Variants in TMEM117 observed in about 807,000 individuals in gnomAD.
TMEM117 encodes transmembrane protein 117.
A neutral mutation model predicts 52.4 loss-of-function variants in TMEM117; 27 were observed. The observed-to-expected ratio is 0.51, with a 90% CI of 0.38 to 0.71. TMEM117 has a LOEUF of 0.71. Ranked by LOEUF, TMEM117 falls within the 30% of genes least tolerant of loss-of-function variation. The probability of loss-of-function intolerance (pLI) is 0.00; values close to 1 mark genes in which losing one functional copy is unlikely to be tolerated. For missense variants in TMEM117, 556 were observed against 630.5 expected (o/e 0.88, Z 1.26); for synonymous variants, 215 against 206.3 (o/e 1.04, Z -0.36).
intron 5 of TMEM117, among the ~76,000 whole-genome samples, chr12:44,218,977 T>C (rs1949754977): frequency 1.3e-5 from 2 of 152,214 alleles, no homozygotes; most frequent in Non-Finnish European, 2.9e-5. Flanking sequence ...CTGCACTGTA[T>C]GGCGACAGTT....
At chr12:44,097,374 C>G (rs373151678) in intron 3 of TMEM117, among the ~76,000 whole-genome samples, 1 of 151,662 alleles carries the variant, frequency 6.6e-6, no homozygotes, top group Non-Finnish European at 1.5e-5. Flanking sequence ...GGTATATACC[C>G]AAAGGACTAT....
Position 44,171,075 on chromosome 12 carries a change from GC to G in TMEM117, c.510+27452del, listed in dbSNP as rs548868627. 2.8e-3 allele frequency among the ~76,000 whole-genome samples: 427 copies of G among 149,950 alleles called. 3 individuals are homozygous for G. The highest frequency in any genetic ancestry group is 7.9e-3 in the South Asian group (37 of 4,704). ...CTGTCGCCCAGGCTGGAGTGCAGTG[GC>G]GGGATCTCAGCTCACTGCAAGCTCC... is the stretch of plus-strand genomic sequence containing the variant. On this transcript the variant is annotated intron_variant, in intron 4 of 7. Coordinates refer to ENST00000266534, the MANE Select transcript of TMEM117 (RefSeq NM_032256.3).
intron 3 of TMEM117, among the ~76,000 whole-genome samples, chr12:43,986,263 GA>G (rs1057156976): frequency 3.3e-5 from 5 of 152,032 alleles, no homozygotes; most frequent in African/African-American, 1.2e-4. Context: ...TGAAAATACA[GA>G]AAAATATAAA....
intron 2 of TMEM117, among the ~76,000 whole-genome samples, chr12:43,884,189 G>A (rs1486614368): frequency 1.3e-5 from 2 of 151,524 alleles, no homozygotes; most frequent in African/African-American, 4.8e-5. Flanking sequence ...AGTGAAAGGA[G>A]CCAAAATTTA....
At chr12:44,385,669 A>G (rs1284161329) in intron 7 of TMEM117, among the ~76,000 whole-genome samples, 1 of 152,148 alleles carries the variant, frequency 6.6e-6, no homozygotes, top group African/African-American at 2.4e-5. Context: ...TTCCCCCACC[A>G]TCTGGTCTGG....
At chr12:44,145,742 C>A (rs976231195) in intron 4 of TMEM117, among the ~76,000 whole-genome samples, 21 of 152,138 alleles carry the variant, frequency 1.4e-4, no homozygotes, top group African/African-American at 4.8e-4. Context: ...TTATTTCAAT[C>A]GCCAATGATG....
chr12:43,963,345 T>G (rs921166269), intron 3 of TMEM117, among the ~76,000 whole-genome samples: 25 of 152,158 alleles, frequency 1.6e-4, no homozygotes, highest in Non-Finnish European at 2.9e-4. Flanking sequence ...GTATCCAAAA[T>G]AAATCACTGA....
At chr12:43,990,611 A>G (rs1406884512) in intron 3 of TMEM117, among the ~76,000 whole-genome samples, 1 of 152,166 alleles carries the variant, frequency 6.6e-6, no homozygotes, top group Non-Finnish European at 1.5e-5. Flanking sequence ...CTTTAACATT[A>G]ATTAGGATTT....
chr12:44,325,582 G>A (rs1030454692), intron 6 of TMEM117, among the ~76,000 whole-genome samples: 2 of 151,072 alleles, frequency 1.3e-5, no homozygotes, highest in Non-Finnish European at 1.5e-5. Flanking sequence ...TTTATCTTAG[G>A]ATGGTTAATA....
the TMEM117 span, chr12:43,795,824 T>C: frequency 4.0e-6 from 6 of 1,497,360 alleles, no homozygotes; most frequent in African/African-American, 1.4e-5. Context: ...TTTTCAGGTA[T>C]ATGAATGCTC....
At chr12:44,012,316 CGTGGAGCT>C in intron 3 of TMEM117, among the ~76,000 whole-genome samples, 1 of 151,166 alleles carries the variant, frequency 6.6e-6, no homozygotes, top group Non-Finnish European at 1.5e-5. Context: ...CTGTGAGCAT[CGTGGAGCT>C]GTGGTTTGTT....
intron 2 of TMEM117, among the ~76,000 whole-genome samples, chr12:43,941,487 G>T (rs1407872641): frequency 6.6e-6 from 1 of 152,226 alleles, no homozygotes; most frequent in African/African-American, 2.4e-5. Flanking sequence ...GGCAGAGACA[G>T]TGTATTTCCA....
intron 2 of TMEM117, among the ~76,000 whole-genome samples, chr12:43,866,587 A>C (rs1943604028): frequency 6.6e-6 from 1 of 152,118 alleles, no homozygotes; most frequent in Admixed American, 6.5e-5. Flanking sequence ...AAAAAACAAA[A>C]ATAAATAAAA....
intron 3 of TMEM117, among the ~76,000 whole-genome samples, chr12:44,062,977 T>C (rs545801771): frequency 6.6e-6 from 1 of 152,324 alleles, no homozygotes; most frequent in African/African-American, 2.4e-5. Flanking sequence ...AAGTTTGTTT[T>C]TGAAGAGCAT....
rs576407729 is a variant in TMEM117 at position 44,125,552 on chromosome 12, G to T, written c.411-17973G>T. On this transcript the variant is annotated intron_variant, in intron 3 of 7. Coordinates refer to ENST00000266534, the MANE Select transcript of TMEM117 (RefSeq NM_032256.3). ...GGTTGTTTTTATTTTTATGGGGTCA[G>T]TGGTGACATTCCCCCTTATCATTTC... 3.3e-5 allele frequency among the ~76,000 whole-genome samples: 5 copies of T among 152,266 alleles called. No individual in the cohort carries two copies. In the East Asian group the frequency reaches 9.6e-4, roughly 29 times the overall value.
Position 44,038,238 on chromosome 12 carries a change from C to G in TMEM117, c.410+93896C>G, listed in dbSNP as rs555650213. 6.2e-4 allele frequency among the ~76,000 whole-genome samples: 95 copies of G among 152,210 alleles called. 3 individuals are homozygous for G. Among genetic ancestry groups the G allele is most frequent in the African/African-American group, 2.2e-3 (92 of 41,546 alleles). ...GAGAGAAGAGAGAAGGAGAGAAAAG[C>G]TGTGGCCCCTTGGGGAGCCTATACC... On this transcript the variant is annotated intron_variant, in intron 3 of 7. Transcript: ENST00000266534.
intron 3 of TMEM117, among the ~76,000 whole-genome samples, chr12:43,994,682 TGAAA>T (rs1945998816): frequency 6.6e-6 from 1 of 152,156 alleles, no homozygotes; most frequent in Non-Finnish European, 1.5e-5. Flanking sequence ...TTCAATTAAT[TGAAA>T]GAAAGGTTTA....
At chr12:44,198,891 T>TA (rs1017849075) in intron 4 of TMEM117, among the ~76,000 whole-genome samples, 4 of 151,956 alleles carry the variant, frequency 2.6e-5, no homozygotes, top group East Asian at 1.9e-4. Context: ...CAATCAAACA[T>TA]AAAAAAAATG....
chr12:44,013,087 G>T (rs1420358946), intron 3 of TMEM117, among the ~76,000 whole-genome samples: 1 of 151,032 alleles, frequency 6.6e-6, no homozygotes, highest in Non-Finnish European at 1.5e-5. Flanking sequence ...CAGTAATGGC[G>T]TGAACAGGGC....
Sources: gnomAD v4.1 joint callset for allele counts (sites outside exome capture counted in the v4.1 genomes callset) on GRCh38, gnomAD v4.1.1 for gene constraint, MANE v1.5 for transcripts, NCBI Gene and HGNC (gene_info 2026-07-23, HGNC 2026-07-21) for gene names.